Variants in TBC1D15 observed in about 807,000 individuals in gnomAD.
The protein encoded by TBC1D15 is TBC1 domain family member 15.
Under a neutral mutation model 95.4 loss-of-function variants are expected in TBC1D15, and 39 were observed. The observed-to-expected ratio is 0.41, with a 90% CI of 0.32 to 0.53. The LOEUF (loss-of-function observed/expected upper bound fraction) is 0.53, where lower values mean the gene tolerates loss of function less well. TBC1D15 is among the 20% of genes least tolerant of loss of function. The pLI is 0.29. For missense variants in TBC1D15, 733 were observed against 794.3 expected (o/e 0.92, Z 0.93); for synonymous variants, 258 against 261.3 (o/e 0.99, Z 0.12).
intron 1 of TBC1D15, among the ~76,000 whole-genome samples, chr12:71,866,744 C>T (rs760766926): frequency 1.1e-4 from 16 of 152,206 alleles, no homozygotes; most frequent in African/African-American, 1.4e-4. Context: ...AGCCACTGTG[C>T]CTGGCCTGTC....
At chr12:71,842,098 G>T (rs1047034839) in intron 1 of TBC1D15, among the ~76,000 whole-genome samples, 1 of 152,128 alleles carries the variant, frequency 6.6e-6, no homozygotes, top group Non-Finnish European at 1.5e-5. Flanking sequence ...AAGTACAGAT[G>T]GTGGGCTACC....
chr12:71,872,890 T>C, intron 2 of TBC1D15, 39 bp from the exon 3 acceptor site: 2 of 1,416,098 alleles, frequency 1.4e-6, no homozygotes, highest in Non-Finnish European at 1.9e-6. Context: ...AATAACATAT[T>C]GCTGAATATT....
chr12:71,913,744 C>T (rs1022430361), intron 11 of TBC1D15, 82 bp from the exon 12 acceptor site: 74 of 864,382 alleles, frequency 8.6e-5, no homozygotes, highest in African/African-American at 9.2e-5. Context: ...CAATTTTAAG[C>T]GAAATGGTGG....
At chr12:71,912,577 T>C (rs970268890) in intron 11 of TBC1D15, among the ~76,000 whole-genome samples, 1 of 152,130 alleles carries the variant, frequency 6.6e-6, no homozygotes, top group African/African-American at 2.4e-5. Context: ...TTAGTTTACC[T>C]GCTTTCTGAG....
intron 11 of TBC1D15, 31 bp from the exon 12 acceptor site, chr12:71,913,795 T>C: frequency 6.6e-7 from 1 of 1,517,926 alleles, no homozygotes; most frequent in South Asian, 1.2e-5. Context: ...AAACTTGGGT[T>C]TTCAGAGATG....
chr12:71,905,474 C>T (rs12310838), intron 10 of TBC1D15, among the ~76,000 whole-genome samples: 123 of 152,068 alleles, frequency 8.1e-4, no homozygotes, highest in African/African-American at 2.8e-3. Context: ...CACAGGCAGG[C>T]GTCACCATGC....
intron 3 of TBC1D15, among the ~76,000 whole-genome samples, chr12:71,879,711 TTTC>T (rs1241726432): frequency 2.6e-5 from 4 of 152,246 alleles, no homozygotes; most frequent in South Asian, 2.1e-4. Flanking sequence ...TTACATTATA[TTTC>T]TTCTTCTTTG....
At chr12:71,914,043 T>C (rs1208615995) in intron 12 of TBC1D15, 117 bp downstream of exon 12, 4 of 688,666 alleles carry the variant, frequency 5.8e-6, no homozygotes, top group Non-Finnish European at 9.2e-6. Flanking sequence ...AAAAATTACC[T>C]CATGCCTTTT....
At chr12:71,842,071 G>C (rs1383532380) in intron 1 of TBC1D15, among the ~76,000 whole-genome samples, 1 of 152,072 alleles carries the variant, frequency 6.6e-6, no homozygotes, top group African/African-American at 2.4e-5. Flanking sequence ...AAAATCACTC[G>C]TGATACTTTT....
At chr12:71,845,434 G>C (rs1312368476) in intron 1 of TBC1D15, among the ~76,000 whole-genome samples, 1 of 152,188 alleles carries the variant, frequency 6.6e-6, no homozygotes, top group East Asian at 1.9e-4. Flanking sequence ...TATAGGGTCT[G>C]GATGGTGAAA....
At chr12:71,922,845 G>T in intron 16 of TBC1D15, 138 bp from the exon 17 acceptor site, 2 of 799,642 alleles carry the variant, frequency 2.5e-6, no homozygotes, top group Non-Finnish European at 4.0e-6. Context: ...AATGTTGTGA[G>T]AAGGGTACAT....
chr12:71,886,891 G>T (rs1439974715), intron 5 of TBC1D15, among the ~76,000 whole-genome samples: 1 of 152,140 alleles, frequency 6.6e-6, no homozygotes, highest in African/African-American at 2.4e-5. Flanking sequence ...TCGGTGTTGC[G>T]ATGTAACTCA....
chr12:71,892,341 A>C (rs1897329786), intron 5 of TBC1D15, among the ~76,000 whole-genome samples: 1 of 152,058 alleles, frequency 6.6e-6, no homozygotes. Context: ...AGAAGGGATA[A>C]CTGTTATTAA....
At chr12:71,890,117 C>A (rs1421443715) in intron 5 of TBC1D15, among the ~76,000 whole-genome samples, 1 of 151,986 alleles carries the variant, frequency 6.6e-6, no homozygotes, top group African/African-American at 2.4e-5. Flanking sequence ...TTTAAAGGCT[C>A]TTGTTCTTGT....
chr12:71,882,069 T>G (rs1340892892), intron 4 of TBC1D15, among the ~76,000 whole-genome samples: 1 of 151,812 alleles, frequency 6.6e-6, no homozygotes, highest in East Asian at 1.9e-4. Flanking sequence ...TTCTAAAAGT[T>G]TTTTTCCCCC....
intron 10 of TBC1D15, 134 bp downstream of exon 10, chr12:71,898,075 G>A (rs1328722029): frequency 1.7e-6 from 1 of 598,682 alleles, no homozygotes; most frequent in Non-Finnish European, 2.9e-6. Flanking sequence ...GTACATTGCA[G>A]TGTGTGTTTA....
chr12:71,875,773 A>G (rs1364744000), intron 3 of TBC1D15, among the ~76,000 whole-genome samples: 1 of 151,574 alleles, frequency 6.6e-6, no homozygotes, highest in African/African-American at 2.4e-5. Flanking sequence ...TTTTCTCATA[A>G]TTTTTTATTA....
At chr12:71,863,413 T>C (rs1890811460) in intron 1 of TBC1D15, among the ~76,000 whole-genome samples, 1 of 152,074 alleles carries the variant, frequency 6.6e-6, no homozygotes, top group Admixed American at 6.6e-5. Context: ...AATCTGCTTT[T>C]AATCTAACAG....
At chr12:71,876,877 C>T (rs12821592) in intron 3 of TBC1D15, among the ~76,000 whole-genome samples, 5,106 of 150,128 alleles carry the variant, frequency 0.034, 92 homozygotes, top group Non-Finnish European at 0.051. Context: ...GTGGCAGGAT[C>T]TCCATTCACT....
Sources: allele counts gnomAD v4.1 joint callset (sites outside exome capture counted in the v4.1 genomes callset), GRCh38; gene constraint gnomAD v4.1.1; transcripts MANE v1.5; gene names NCBI Gene and HGNC (gene_info 2026-07-23, HGNC 2026-07-21).